NPNT: variants seen among roughly 807,000 people sequenced by gnomAD.
The protein encoded by NPNT is preosteoblast EGF-like repeat protein with MAM domain.
NPNT carries 45 observed loss-of-function variants against 68.6 expected under a neutral mutation model. The observed-to-expected ratio is 0.66, with a 90% confidence interval of 0.52 to 0.84. The LOEUF is 0.84. Among genes scored for constraint, NPNT ranks in the 40% least tolerant of loss-of-function variants. NPNT has a pLI of 0.00. For synonymous variants in NPNT, 233 were observed against 253.3 expected, an observed-to-expected ratio of 0.92 and a Z score of 0.76; for missense variants, 672 against 714.8, an observed-to-expected ratio of 0.94 and a Z score of 0.68.
chr4:105,940,296 G>C, intron 6 of NPNT, 87 bp downstream of exon 6: 1 of 1,378,154 alleles, frequency 7.3e-7, no homozygotes, highest in Non-Finnish European at 1.0e-6. Context: ...GAATGTCAGG[G>C]GCAGGGGAGA....
At position 105,937,112 on chromosome 4, in the gene NPNT, G is replaced by A. The variant is rs760211013; in HGVS notation, c.369G>A (p.Pro123=). 17 of 1,613,302 alleles carry A rather than the reference G, an allele frequency of 1.1e-5. No homozygotes were observed. The highest frequency in any genetic ancestry group is 1.6e-4 in the Middle Eastern group (1 of 6,084). Residue 123 remains proline (P), a synonymous_variant, in exon 4 of 12, where the codon CCG becomes CCA. Coordinates refer to ENST00000379987, the MANE Select transcript of NPNT (RefSeq NM_001033047.3). Reference sequence around the variant, plus strand: ...GTCTCAACGGATATATGCTCATGCCGGATGGTTCCTGCTCAAGTATGTCAA... The same window carrying A: ...GTCTCAACGGATATATGCTCATGCCAGATGGTTCCTGCTCAAGTATGTCAA... The part of the protein sequence containing the change: ...CYCLNGYMLM[P]DGSCSSALTC...
At chr4:105,911,223 A>T (rs955119236) in intron 2 of NPNT, among the ~76,000 whole-genome samples, 4 of 152,068 alleles carry the variant, frequency 2.6e-5, no homozygotes, top group Admixed American at 1.3e-4. Context: ...GAAAAAAAAA[A>T]GTCTAGCAAG....
rs1578705278 is a variant in NPNT, at chr4:105,970,466, AGAG to A, written c.*1477_*1479del. On this transcript the variant is annotated 3_prime_UTR_variant, in exon 12 of 12. Coordinates refer to ENST00000379987, the MANE Select transcript of NPNT (RefSeq NM_001033047.3). ...GAACTGGGATTATTGAGCCTGGAGA[AGAG>A]AAGACTGAGGGGCAAACCATTGATG... The A allele has an allele frequency of 7.2e-6, 5 of 698,322 alleles. No individual in the cohort carries two copies. In the East Asian group the frequency reaches 1.3e-4, roughly 19 times the overall value. 43.3% of individuals were successfully genotyped at this position (698,322 alleles called of 1,614,324 possible).
At chr4:105,941,250 A>T (rs1729927879) in intron 7 of NPNT, among the ~76,000 whole-genome samples, 1 of 152,130 alleles carries the variant, frequency 6.6e-6, no homozygotes, top group Non-Finnish European at 1.5e-5. Context: ...ATGAGGTGCT[A>T]GGATCACTTG....
chr4:105,908,526 C>T (rs1232337783), intron 2 of NPNT, among the ~76,000 whole-genome samples: 3 of 151,200 alleles, frequency 2.0e-5, no homozygotes, highest in African/African-American at 7.3e-5. Flanking sequence ...TGGATTTATG[C>T]TTACTTTGCC....
chr4:105,902,466 G>A (rs1468352932), intron 2 of NPNT, among the ~76,000 whole-genome samples: 2 of 152,194 alleles, frequency 1.3e-5, no homozygotes, highest in African/African-American at 2.4e-5. Flanking sequence ...GAATTCTGGG[G>A]CCAGCTTGGT....
rs1039466173 is a variant in NPNT at position 105,967,661 on chromosome 4, C to T, written c.1602+217C>T. On this transcript the variant is annotated intron_variant, in intron 11 of 11. Coordinates refer to ENST00000379987, the MANE Select transcript of NPNT (RefSeq NM_001033047.3). ...TGCAACCTGTGATCACCACCTCTCCCTAACCCTGGTAAAGATCCATTTTTT... is the reference window on the plus strand; with the variant it reads ...TGCAACCTGTGATCACCACCTCTCCTTAACCCTGGTAAAGATCCATTTTTT... Among the ~76,000 whole-genome samples the T allele has an allele frequency of 1.1e-4, 17 of 152,076 alleles. No homozygotes were observed. In the East Asian group the frequency reaches 2.9e-3, roughly 26 times the overall value.
intron 10 of NPNT, among the ~76,000 whole-genome samples, chr4:105,959,894 C>T (rs1041021786): frequency 2.0e-5 from 3 of 150,640 alleles, no homozygotes; most frequent in Admixed American, 6.6e-5. Context: ...ACTGCAACCT[C>T]TGCCTCCTGG....
intron 3 of NPNT, among the ~76,000 whole-genome samples, chr4:105,936,011 A>G (rs923149393): frequency 2.0e-5 from 3 of 152,186 alleles, no homozygotes; most frequent in South Asian, 2.1e-4. Flanking sequence ...CCAGACAAAC[A>G]TGTGGTCACA....
rs562582285 is a variant in NPNT at position 105,912,011 on chromosome 4, T to A, written c.172+14010T>A. 5.0e-4 allele frequency: 287 copies of A among 573,748 alleles called. 1 individual carries two copies. Among genetic ancestry groups the A allele is most frequent in the African/African-American group, 4.2e-3 (221 of 52,208 alleles). 35.5% of individuals were successfully genotyped at this position (573,748 alleles called of 1,614,324 possible). ...TATGAAATGTTTTTTTATAACAAAA[T>A]GGTGACTAAAATATTACTATTTTAA... is the stretch of plus-strand genomic sequence containing the variant. On this transcript the variant is annotated intron_variant, in intron 2 of 11. Coordinates refer to ENST00000379987, the MANE Select transcript of NPNT (RefSeq NM_001033047.3).
chr4:105,939,471 C>T (rs953941142), intron 5 of NPNT, among the ~76,000 whole-genome samples: 11 of 152,000 alleles, frequency 7.2e-5, no homozygotes, highest in Non-Finnish European at 1.5e-4. Context: ...GCAGGGCCTT[C>T]AAGGACACAG....
intron 2 of NPNT, among the ~76,000 whole-genome samples, chr4:105,911,253 T>TA (rs1196518250): frequency 2.0e-5 from 3 of 152,098 alleles, no homozygotes; most frequent in Admixed American, 6.6e-5. Context: ...TTTGTGTCTT[T>TA]AAAAATACAT....
At chr4:105,933,395 C>T (rs1451166160) in intron 3 of NPNT, among the ~76,000 whole-genome samples, 1 of 152,098 alleles carries the variant, frequency 6.6e-6, no homozygotes, top group African/African-American at 2.4e-5. Context: ...ATCTCTAACC[C>T]ATTCATAGGT....
intron 2 of NPNT, among the ~76,000 whole-genome samples, chr4:105,924,524 G>A (rs1252662462): frequency 2.6e-5 from 4 of 152,124 alleles, no homozygotes; most frequent in Admixed American, 2.6e-4. Context: ...CTATCAGATG[G>A]GAGTGCAAAC....
chr4:105,903,929 T>C (rs28561781), intron 2 of NPNT, among the ~76,000 whole-genome samples: 3,041 of 151,530 alleles, frequency 0.02, 99 homozygotes, highest in African/African-American at 0.069. Flanking sequence ...GGACCACAGG[T>C]GTGAGCGACC....
intron 2 of NPNT, chr4:105,912,173 A>G: frequency 6.5e-7 from 1 of 1,528,552 alleles, no homozygotes; most frequent in African/African-American, 1.4e-5. Flanking sequence ...CTTTTTTTGG[A>G]CATTTGTTTT....
chr4:105,920,961 G>T (rs1728213386), intron 2 of NPNT, among the ~76,000 whole-genome samples: 1 of 152,060 alleles, frequency 6.6e-6, no homozygotes, highest in Admixed American at 6.6e-5. Context: ...CTTCAACAGA[G>T]GTAATAATAA....
chr4:105,925,513 G>C (rs893777038), intron 2 of NPNT, among the ~76,000 whole-genome samples: 1 of 152,044 alleles, frequency 6.6e-6, no homozygotes, highest in East Asian at 1.9e-4. Context: ...CATCAGTTTC[G>C]CAGGAGTATT....
At chr4:105,940,367 C>A in intron 6 of NPNT, 147 bp from the exon 7 acceptor site, 2 of 1,019,270 alleles carry the variant, frequency 2.0e-6, no homozygotes, top group Middle Eastern at 2.1e-4. Context: ...TCTCAGTCTA[C>A]ATGTAGTTTA....
Sources: gnomAD v4.1 joint callset for allele counts (sites outside exome capture counted in the v4.1 genomes callset) on GRCh38, gnomAD v4.1.1 for gene constraint, MANE v1.5 for transcripts, NCBI Gene and HGNC (gene_info 2026-07-23, HGNC 2026-07-21) for gene names.